The following CTNNA3 variants were observed in gnomAD, a reference collection of about 807,000 sequenced individuals.
The protein encoded by CTNNA3 is catenin alpha-3.
Under a neutral mutation model 95.7 loss-of-function variants are expected in CTNNA3, and 76 were observed. The ratio of observed to expected loss-of-function variants is 0.79; its 90% CI spans 0.66 to 0.96. CTNNA3 has a LOEUF of 0.96. Among genes scored for constraint, CTNNA3 ranks in the 40% least tolerant of loss-of-function variants. CTNNA3 has a pLI of 0.00. For missense variants in CTNNA3, 1,191 were observed against 1,089.8 expected, an observed-to-expected ratio of 1.09 and a Z score of -1.31; for synonymous variants, 431 against 374.4, an observed-to-expected ratio of 1.15 and a Z score of -1.74.
chr10:66,331,342 GTT>G (rs60709020), intron 12 of CTNNA3, among the ~76,000 whole-genome samples: 28,397 of 80,554 alleles, frequency 0.35, 9,449 homozygotes, highest in Non-Finnish European at 0.44. Flanking sequence ...CCCATTGTTT[GTT>G]TTTTTTTTTT....
chr10:66,951,869 T>G (rs1848556212), intron 7 of CTNNA3, among the ~76,000 whole-genome samples: 1 of 152,192 alleles, frequency 6.6e-6, no homozygotes, highest in Non-Finnish European at 1.5e-5. Context: ...TGTTTACATT[T>G]TTCAGAAAGC....
intron 7 of CTNNA3, among the ~76,000 whole-genome samples, chr10:66,996,667 A>AAAAAAAAAAAAAAAAAAAAAAAAC (rs1312117857): frequency 6.6e-6 from 1 of 150,920 alleles, no homozygotes; most frequent in African/African-American, 2.4e-5. Context: ...AAAAAAAAAA[A>AAAAAAAAAAAAAAAAAAAAAAAAC]AAAAGCATGT....
chr10:66,857,054 C>T (rs1462562532), intron 7 of CTNNA3, among the ~76,000 whole-genome samples: 1 of 151,912 alleles, frequency 6.6e-6, no homozygotes, highest in Non-Finnish European at 1.5e-5. Flanking sequence ...CCATTTAAGT[C>T]TTAATCCGTC....
chr10:67,685,045 T>A (rs1840703546), intron 1 of CTNNA3, among the ~76,000 whole-genome samples: 1 of 152,196 alleles, frequency 6.6e-6, no homozygotes, highest in South Asian at 2.1e-4. Flanking sequence ...GCCTCGGCAG[T>A]TTTGGAGAGT....
chr10:67,534,028 T>A, intron 4 of CTNNA3, among the ~76,000 whole-genome samples: 1 of 147,214 alleles, frequency 6.8e-6, no homozygotes, highest in Admixed American at 6.8e-5. Flanking sequence ...AAACAGAAAA[T>A]GTAGCAGGAA....
At position 65,923,307 on chromosome 10, in the gene CTNNA3, T is replaced by C. The variant is rs565260051; in HGVS notation, c.2401-2690A>G. On this transcript the variant is annotated intron_variant, in intron 17 of 17. Coordinates refer to ENST00000433211, the MANE Select transcript of CTNNA3 (RefSeq NM_013266.4). ...ATAGGTGCCATTTGCACCTCAAGAT[T>C]GACCTAATGGTAGTAGTTTTATGCC... 6.6e-5 allele frequency among the ~76,000 whole-genome samples: 10 copies of C among 152,354 alleles called. No homozygotes were observed. In the East Asian group the frequency reaches 1.9e-3, roughly 29 times the overall value.
At position 66,495,642 on chromosome 10, in the gene CTNNA3, G is replaced by GTGT. The variant is rs139573189; in HGVS notation, c.1531+24972_1531+24974dup. Among the ~76,000 whole-genome samples the GTGT allele has an allele frequency of 9.0e-4, 136 of 151,700 alleles. 1 individual carries two copies. In the South Asian group the frequency reaches 0.013, roughly 14 times the overall value. Reference sequence around the variant, plus strand: ...AATACATACTGGAAGTCATTTTGGGGTGTTGTTGTTGTTGTTGTTGTTGTT... The same window carrying GTGT: ...AATACATACTGGAAGTCATTTTGGGGTGTTGTTGTTGTTGTTGTTGTTGTTGTT... On this transcript the variant is annotated intron_variant, in intron 11 of 17. Transcript: ENST00000433211.
At chr10:67,592,435 T>G (rs924226115) in intron 3 of CTNNA3, among the ~76,000 whole-genome samples, 1 of 152,124 alleles carries the variant, frequency 6.6e-6, no homozygotes, top group African/African-American at 2.4e-5. Context: ...AAGAAGCTGC[T>G]GGACACCACT....
intron 15 of CTNNA3, among the ~76,000 whole-genome samples, chr10:66,032,210 T>A (rs573800738): frequency 8.7e-4 from 133 of 152,180 alleles, no homozygotes; most frequent in African/African-American, 2.3e-3. Flanking sequence ...TTGATTTTTT[T>A]AAAAAAATTA....
chr10:67,684,399 G>A (rs1056520193), intron 1 of CTNNA3, among the ~76,000 whole-genome samples: 15 of 152,060 alleles, frequency 9.9e-5, no homozygotes, highest in South Asian at 2.1e-4. Flanking sequence ...TGACTGGTGC[G>A]TTTACAAACC....
intron 11 of CTNNA3, among the ~76,000 whole-genome samples, chr10:66,383,051 C>T (rs2092855259): frequency 6.6e-6 from 1 of 152,170 alleles, no homozygotes; most frequent in Admixed American, 6.5e-5. Flanking sequence ...CAAAGGATCG[C>T]AACTCCTCAC....
At chr10:66,900,461 CTT>C (rs1845693062) in intron 7 of CTNNA3, among the ~76,000 whole-genome samples, 1 of 152,158 alleles carries the variant, frequency 6.6e-6, no homozygotes, top group Admixed American at 6.5e-5. Flanking sequence ...CAGAGTGCCT[CTT>C]CTCCCCCAGA....
intron 1 of CTNNA3, among the ~76,000 whole-genome samples, chr10:67,727,541 T>C (rs1052603234): frequency 2.3e-5 from 3 of 130,122 alleles, no homozygotes; most frequent in African/African-American, 5.6e-5. Flanking sequence ...ACATATTATA[T>C]ATAATAGATC....
At chr10:66,206,496 C>T (rs2087763288) in intron 13 of CTNNA3, among the ~76,000 whole-genome samples, 1 of 151,736 alleles carries the variant, frequency 6.6e-6, no homozygotes, top group African/African-American at 2.4e-5. Context: ...AGAGTGTTAT[C>T]CTCTAGAAAA....
intron 5 of CTNNA3, among the ~76,000 whole-genome samples, chr10:67,231,622 C>T (rs2132300613): frequency 6.6e-6 from 1 of 152,278 alleles, no homozygotes; most frequent in East Asian, 1.9e-4. Context: ...GAGCACCTCT[C>T]CTCCTCCAAA....
In CTNNA3 at chr10:67,087,029, C is replaced by T. The variant is rs369738223; in HGVS notation, c.1047+93288G>A. Among the ~76,000 whole-genome samples the T allele has an allele frequency of 2.6e-4, 39 of 151,988 alleles. No individual in the cohort carries two copies. The South Asian group carries it at 7.7e-3, about 30-fold the overall frequency. On this transcript the variant is annotated intron_variant, in intron 7 of 17. Coordinates refer to ENST00000433211, the MANE Select transcript of CTNNA3 (RefSeq NM_013266.4). ...CTCATTGCACCACAGTATGAAGAAA[C>T]GGATTTGGAAACACAGCACCAAGAT...
At chr10:67,688,273 A>AC (rs1840772913) in intron 1 of CTNNA3, among the ~76,000 whole-genome samples, 1 of 152,018 alleles carries the variant, frequency 6.6e-6, no homozygotes, top group African/African-American at 2.4e-5. Context: ...CATAAATGAT[A>AC]GCTCAGGGGT....
intron 15 of CTNNA3, among the ~76,000 whole-genome samples, chr10:66,069,053 G>A (rs988666927): frequency 2.6e-5 from 4 of 152,170 alleles, no homozygotes; most frequent in African/African-American, 9.6e-5. Context: ...CAGAGCAGAT[G>A]CCTGGGGAAG....
chr10:67,701,630 A>G (rs1337634760), intron 1 of CTNNA3, among the ~76,000 whole-genome samples: 1 of 152,248 alleles, frequency 6.6e-6, no homozygotes, highest in East Asian at 1.9e-4. Flanking sequence ...AGGAAGCACT[A>G]AACATGGAAA....
Sources: allele counts gnomAD v4.1 joint callset (sites outside exome capture counted in the v4.1 genomes callset), GRCh38; gene constraint gnomAD v4.1.1; transcripts MANE v1.5; gene names NCBI Gene and HGNC (gene_info 2026-07-23, HGNC 2026-07-21).